Variants in CDH13 observed in about 807,000 individuals in gnomAD.
CDH13 encodes the protein cadherin-13.
In CDH13, 24 loss-of-function variants were observed where a neutral mutation model predicts 63.8. The observed-to-expected ratio is 0.38, with a 90% CI of 0.27 to 0.53. The LOEUF (loss-of-function observed/expected upper bound fraction) is 0.53, where lower values mean the gene tolerates loss of function less well. Among genes scored for constraint, CDH13 ranks in the 20% least tolerant of loss-of-function variants. The pLI is 0.85. For synonymous variants in CDH13, 503 were observed against 355.3 expected, an observed-to-expected ratio of 1.42 and a Z score of -4.67; for missense variants, 1,049 against 903.1, an observed-to-expected ratio of 1.16 and a Z score of -2.07.
intron 8 of CDH13, among the ~76,000 whole-genome samples, chr16:83,619,121 C>G (rs893673857): frequency 1.3e-5 from 2 of 152,208 alleles, no homozygotes; most frequent in South Asian, 4.1e-4. Context: ...CTGTCGCTTT[C>G]CAAAGTACAT....
chr16:82,917,456 T>C (rs2151274982), intron 2 of CDH13, among the ~76,000 whole-genome samples: 1 of 152,202 alleles, frequency 6.6e-6, no homozygotes, highest in East Asian at 1.9e-4. Flanking sequence ...TATCTAACTG[T>C]GAAAACCTGA....
At chr16:83,484,911 T>A (rs2073852164) in intron 6 of CDH13, among the ~76,000 whole-genome samples, 1 of 152,204 alleles carries the variant, frequency 6.6e-6, no homozygotes, top group Non-Finnish European at 1.5e-5. Flanking sequence ...GAACGCTGAT[T>A]CCATGACAAG....
chr16:83,522,126 C>G (rs2074852450), intron 7 of CDH13, among the ~76,000 whole-genome samples: 1 of 152,170 alleles, frequency 6.6e-6, no homozygotes. Context: ...TCTCTGCCCA[C>G]CGGGTGCTGT....
At chr16:83,537,652 A>C (rs1282777863) in intron 7 of CDH13, among the ~76,000 whole-genome samples, 4 of 152,192 alleles carry the variant, frequency 2.6e-5, no homozygotes, top group Admixed American at 6.5e-5. Flanking sequence ...ACAGGAAAAA[A>C]AAAGTGTTGC....
chr16:83,396,468 G>C (rs1449508435), intron 6 of CDH13: 1 of 152,172 alleles, frequency 6.6e-6, no homozygotes, highest in African/African-American at 2.4e-5. Flanking sequence ...TTTCCTCTCT[G>C]TTGCCTGGCT....
chr16:82,684,339 G>A (rs1319604878), intron 1 of CDH13, among the ~76,000 whole-genome samples: 1 of 152,180 alleles, frequency 6.6e-6, no homozygotes. Flanking sequence ...TGGGTCATCA[G>A]TCCCTTAGAT....
chr16:83,189,555 C>T (rs1228397000), intron 4 of CDH13, among the ~76,000 whole-genome samples: 1 of 152,150 alleles, frequency 6.6e-6, no homozygotes, highest in Non-Finnish European at 1.5e-5. Flanking sequence ...TTCATTGACT[C>T]CCATAGTCAG....
At chr16:83,761,862 T>G (rs1020647204) in intron 11 of CDH13, among the ~76,000 whole-genome samples, 3 of 152,046 alleles carry the variant, frequency 2.0e-5, no homozygotes, top group Non-Finnish European at 4.4e-5. Context: ...AGGTCAGTAG[T>G]TCGATACCAG....
At chr16:83,016,001 ATTG>A (rs776014584) in intron 2 of CDH13, among the ~76,000 whole-genome samples, 1 of 151,890 alleles carries the variant, frequency 6.6e-6, no homozygotes, top group Non-Finnish European at 1.5e-5. Context: ...TGTGAGCGCT[ATTG>A]TTGTCGAGTG....
intron 5 of CDH13, among the ~76,000 whole-genome samples, chr16:83,318,878 C>G (rs776135608): frequency 1.7e-4 from 26 of 151,848 alleles, no homozygotes; most frequent in Admixed American, 9.8e-4. Flanking sequence ...GTGCTAGATG[C>G]TAGAAAATCA....
At chr16:83,661,432 G>C (rs562816060) in intron 8 of CDH13, among the ~76,000 whole-genome samples, 1 of 150,304 alleles carries the variant, frequency 6.7e-6, no homozygotes, top group South Asian at 2.1e-4. Flanking sequence ...GCAATGAGAC[G>C]CAGTCACACC....
chr16:83,761,152 A>C (rs1913935193), intron 11 of CDH13, among the ~76,000 whole-genome samples: 2 of 152,226 alleles, frequency 1.3e-5, no homozygotes, highest in Admixed American at 1.3e-4. Context: ...GAATGGAGTG[A>C]TGTCAAAAGA....
At chr16:83,769,520 A>G (rs1181676670) in intron 11 of CDH13, among the ~76,000 whole-genome samples, 2 of 152,234 alleles carry the variant, frequency 1.3e-5, no homozygotes, top group Non-Finnish European at 2.9e-5. Context: ...TCTTTGGAGC[A>G]AAAAGCAGAC....
chr16:83,573,129 C>G (rs977302256), intron 7 of CDH13, among the ~76,000 whole-genome samples: 3 of 152,102 alleles, frequency 2.0e-5, no homozygotes, highest in Non-Finnish European at 4.4e-5. Context: ...CATTGCTGAG[C>G]TGCCAAGAAA....
intron 6 of CDH13, among the ~76,000 whole-genome samples, chr16:83,385,818 T>C (rs1442078115): frequency 6.6e-6 from 1 of 152,132 alleles, no homozygotes; most frequent in Non-Finnish European, 1.5e-5. Flanking sequence ...TGTCCCACTA[T>C]CTCCTTTTGG....
chr16:82,764,960 G>A (rs1033649612), intron 1 of CDH13, among the ~76,000 whole-genome samples: 4 of 151,966 alleles, frequency 2.6e-5, no homozygotes, highest in African/African-American at 9.7e-5. Flanking sequence ...AACTACAGAC[G>A]TGTGCCACTA....
intron 10 of CDH13, among the ~76,000 whole-genome samples, chr16:83,715,019 A>G (rs986471352): frequency 3.4e-4 from 51 of 152,134 alleles, no homozygotes; most frequent in African/African-American, 1.2e-3. Context: ...TCCAGCTAGG[A>G]TTGGATAAAG....
intron 8 of CDH13, among the ~76,000 whole-genome samples, chr16:83,628,100 T>A (rs1205533946): frequency 6.6e-6 from 1 of 152,174 alleles, no homozygotes; most frequent in Admixed American, 6.5e-5. Context: ...TGCAACCTAT[T>A]TTATCAGCAA....
intron 4 of CDH13, among the ~76,000 whole-genome samples, chr16:83,188,867 G>C (rs2038610084): frequency 6.6e-6 from 1 of 152,044 alleles, no homozygotes; most frequent in African/African-American, 2.4e-5. Flanking sequence ...TTCTCCTGTA[G>C]TCGGGGTGAG....
Sources: gnomAD v4.1 joint callset for allele counts (sites outside exome capture counted in the v4.1 genomes callset) on GRCh38, gnomAD v4.1.1 for gene constraint, MANE v1.5 for transcripts, NCBI Gene and HGNC (gene_info 2026-07-23, HGNC 2026-07-21) for gene names.